The following CYB5R4 variants were observed in gnomAD, a reference collection of about 807,000 sequenced individuals.
CYB5R4 encodes N-terminal cytochrome b5 and cytochrome b5 oxidoreductase domain-containing protein.
Under a neutral mutation model 70.2 loss-of-function variants are expected in CYB5R4, and 55 were observed. The ratio of observed to expected loss-of-function variants is 0.78; its 90% CI spans 0.63 to 0.98. The LOEUF is 0.98. Ranked by LOEUF, CYB5R4 falls within the 50% of genes least tolerant of loss-of-function variation. The probability of loss-of-function intolerance (pLI) is 0.00; values close to 1 mark genes in which losing one functional copy is unlikely to be tolerated. For missense variants in CYB5R4, 562 were observed against 612.6 expected (o/e 0.92, Z 0.87); for synonymous variants, 197 against 199.5 (o/e 0.99, Z 0.11).
Position 83,859,733 on chromosome 6 carries a change from G to A in CYB5R4, c.-50G>A. 1 of 1,596,598 alleles carries A rather than the reference G, an allele frequency of 6.3e-7. No homozygotes were observed. Among genetic ancestry groups the A allele is most frequent in the Non-Finnish European group, 8.6e-7 (1 of 1,168,076 alleles). On this transcript the variant is annotated 5_prime_UTR_variant, in exon 1 of 16. Coordinates refer to ENST00000369681, the MANE Select transcript of CYB5R4 (RefSeq NM_016230.4). ...CCACAGAGCCGGAGCTGGAGGTGCTGTCCCGTCTGGCGGCGATCCCCGGGC... is the reference window on the plus strand; with the variant it reads ...CCACAGAGCCGGAGCTGGAGGTGCTATCCCGTCTGGCGGCGATCCCCGGGC...
At chr6:83,931,682 T>C (rs2099468158) in intron 10 of CYB5R4, among the ~76,000 whole-genome samples, 1 of 151,966 alleles carries the variant, frequency 6.6e-6, no homozygotes, top group Non-Finnish European at 1.5e-5. Flanking sequence ...GTTTCTCATT[T>C]TTTAGCATAA....
intron 14 of CYB5R4, among the ~76,000 whole-genome samples, chr6:83,950,309 C>T (rs568916300): frequency 2.0e-5 from 3 of 152,018 alleles, no homozygotes; most frequent in South Asian, 4.2e-4. Flanking sequence ...TTTTTTCTTA[C>T]GAAAAATGAG....
chr6:83,874,738 G>A (rs1407200015), intron 2 of CYB5R4, among the ~76,000 whole-genome samples: 2 of 151,962 alleles, frequency 1.3e-5, no homozygotes, highest in Non-Finnish European at 2.9e-5. Flanking sequence ...TTCTTCCTCT[G>A]TACCTGGTAT....
chr6:83,918,940 A>G (rs1215101543), intron 6 of CYB5R4, among the ~76,000 whole-genome samples: 2 of 152,174 alleles, frequency 1.3e-5, no homozygotes, highest in Non-Finnish European at 2.9e-5. Flanking sequence ...ACAAAACAGA[A>G]GACTTAGTTT....
At chr6:83,877,951 A>G (rs947737915) in intron 2 of CYB5R4, among the ~76,000 whole-genome samples, 24 of 152,156 alleles carry the variant, frequency 1.6e-4, no homozygotes. Flanking sequence ...TTCCAGTTAC[A>G]AACATGTTAG....
chr6:83,905,429 C>T (rs190312567), intron 3 of CYB5R4, among the ~76,000 whole-genome samples: 5 of 152,226 alleles, frequency 3.3e-5, no homozygotes, highest in Non-Finnish European at 7.4e-5. Context: ...TAGGACACTT[C>T]GGCTTTGATC....
At chr6:83,870,894 A>T (rs1347311585) in intron 2 of CYB5R4, among the ~76,000 whole-genome samples, 6 of 151,886 alleles carry the variant, frequency 4.0e-5, no homozygotes, top group Admixed American at 3.3e-4. Flanking sequence ...TTCTCCCTTG[A>T]ATACAAATCA....
rs1271232586 is a variant in CYB5R4, at chr6:83,867,628, G to C, written c.229+3300G>C. 3.9e-5 allele frequency among the ~76,000 whole-genome samples: 6 copies of C among 152,236 alleles called. No homozygotes were observed. In the East Asian group the frequency reaches 1.2e-3, roughly 29 times the overall value. Reference sequence around the variant, plus strand: ...TCATGGAATAATAGGATGAATGTGAGACAAACAGATTACTGGTAACTTCTA... The same window carrying C: ...TCATGGAATAATAGGATGAATGTGACACAAACAGATTACTGGTAACTTCTA... On this transcript the variant is annotated intron_variant, in intron 2 of 15. Transcript: ENST00000369681.
rs5877868 is a variant in CYB5R4 at position 83,940,495 on chromosome 6, GTT to G, written c.1260-10_1260-9del. The G allele has an allele frequency of 1.5e-5, 18 of 1,238,902 alleles. No individual in the cohort carries two copies. The highest frequency in any genetic ancestry group is 6.1e-5 in the South Asian group (4 of 65,920). 76.7% of individuals were successfully genotyped at this position (1,238,902 alleles called of 1,614,324 possible). ...AATGTAATTAATTAGTTATTTCTGA[GTT>G]TTTTTTTTTCTCTTAAGGAAAGTGA... On this transcript the variant is annotated intron_variant, in intron 13 of 15. Coordinates refer to ENST00000369681, the MANE Select transcript of CYB5R4 (RefSeq NM_016230.4).
At chr6:83,899,729 C>G (rs531457803) in intron 3 of CYB5R4, among the ~76,000 whole-genome samples, 1 of 152,160 alleles carries the variant, frequency 6.6e-6, no homozygotes, top group Non-Finnish European at 1.5e-5. Context: ...TCCATTTCTT[C>G]TAGATTTTCT....
chr6:83,942,398 G>A (rs758618127), intron 14 of CYB5R4, among the ~76,000 whole-genome samples: 59 of 152,218 alleles, frequency 3.9e-4, no homozygotes, highest in Non-Finnish European at 7.6e-4. Flanking sequence ...GAAGCCATGA[G>A]GGACTGTGCC....
chr6:83,889,155 A>G (rs1317183915), intron 2 of CYB5R4, among the ~76,000 whole-genome samples: 1 of 152,260 alleles, frequency 6.6e-6, no homozygotes, highest in African/African-American at 2.4e-5. Flanking sequence ...GTGAAGCATC[A>G]AATGCTGATG....
chr6:83,952,519 G>A (rs894871137), intron 14 of CYB5R4, among the ~76,000 whole-genome samples: 12 of 152,096 alleles, frequency 7.9e-5, no homozygotes, highest in Non-Finnish European at 1.3e-4. Flanking sequence ...TAGTAGGATT[G>A]CATAAGACAT....
intron 2 of CYB5R4, among the ~76,000 whole-genome samples, chr6:83,884,825 C>T (rs982553639): frequency 1.2e-4 from 19 of 152,124 alleles, no homozygotes; most frequent in African/African-American, 4.3e-4. Flanking sequence ...TTGGTATATA[C>T]GTTATAGGCA....
At chr6:83,862,269 GTTA>G (rs1588556255) in intron 1 of CYB5R4, among the ~76,000 whole-genome samples, 1 of 152,182 alleles carries the variant, frequency 6.6e-6, no homozygotes, top group South Asian at 2.1e-4. Context: ...ACATATGATA[GTTA>G]TTATTTCTAT....
intron 2 of CYB5R4, among the ~76,000 whole-genome samples, chr6:83,887,089 G>T (rs1376819531): frequency 6.6e-6 from 1 of 152,080 alleles, no homozygotes; most frequent in Non-Finnish European, 1.5e-5. Flanking sequence ...AAAACTATAG[G>T]CAGTGTCTTT....
Position 83,921,112 on chromosome 6 carries a change from C to T in CYB5R4, c.595C>T (p.His199Tyr), listed in dbSNP as rs761205447. The change falls in exon 8 of 16, where the codon CAT becomes TAT. Residue 199 changes from histidine (H) to tyrosine (Y), a missense_variant. Physicochemically the swap from His to Tyr is moderately conservative, Grantham distance 83 (BLOSUM62 2). Transcript: ENST00000369681. ...DINLDSIIVD[H>Y]QNDSFRAETI... The stretch of plus-strand genomic sequence containing the variant: ...CAATTTAGACTCAATAATAGTTGAT[C>T]ATCAGAATGATTCCTTTAGAGCAGA... The T allele has an allele frequency of 2.9e-5, 44 of 1,528,784 alleles. No homozygotes were observed. Among genetic ancestry groups the T allele is most frequent in the African/African-American group, 4.2e-5 (3 of 71,882 alleles). The allele number at this position is 1,528,784 out of a possible 1,614,324, so 94.7% of individuals were successfully genotyped here.
chr6:83,943,223 C>T (rs2099470040), intron 14 of CYB5R4, among the ~76,000 whole-genome samples: 1 of 152,104 alleles, frequency 6.6e-6, no homozygotes, highest in Admixed American at 6.5e-5. Context: ...CTCTGGCTGG[C>T]ATTTGGTGGG....
At chr6:83,925,690 A>G (rs190627032) in intron 10 of CYB5R4, among the ~76,000 whole-genome samples, 2 of 152,190 alleles carry the variant, frequency 1.3e-5, no homozygotes, top group East Asian at 3.9e-4. Flanking sequence ...TTTTTGTGCT[A>G]ATCTTTTCAA....
Sources: allele counts gnomAD v4.1 joint callset (sites outside exome capture counted in the v4.1 genomes callset), GRCh38; gene constraint gnomAD v4.1.1; transcripts MANE v1.5; gene names NCBI Gene and HGNC (gene_info 2026-07-23, HGNC 2026-07-21).